Variants in TRIM37 observed in about 807,000 individuals in gnomAD.
TRIM37 encodes the protein tripartite motif containing 37, also known as E3 ubiquitin-protein ligase TRIM37.
A neutral mutation model predicts 129.8 loss-of-function variants in TRIM37; 80 were observed. That is an observed-to-expected ratio of 0.62 (90% CI 0.51 to 0.74). TRIM37 has a LOEUF of 0.74. Among genes scored for constraint, TRIM37 ranks in the 30% least tolerant of loss-of-function variants. The probability of loss-of-function intolerance (pLI) is 0.00; values close to 1 mark genes in which losing one functional copy is unlikely to be tolerated. For missense variants in TRIM37, 1,054 were observed against 1,176.5 expected (o/e 0.90, Z 1.52); for synonymous variants, 389 against 387.1 (o/e 1.00, Z -0.06).
chr17:58,993,514 C>T (rs943598936), downstream of TRIM37, among the ~76,000 whole-genome samples: 6 of 152,208 alleles, frequency 3.9e-5, no homozygotes, highest in Non-Finnish European at 7.3e-5. Context: ...CTTAACTGCA[C>T]TTTGCGAAGC....
Position 59,096,526 on chromosome 17 carries a change from T to C in TRIM37, c.124-5186A>G, listed in dbSNP as rs1479128627. 5.5e-5 allele frequency among the ~76,000 whole-genome samples: 7 copies of C among 127,010 alleles called. No individual in the cohort carries two copies. In the South Asian group the frequency reaches 1.3e-3, roughly 23 times the overall value. 83.3% of individuals were successfully genotyped at this position (127,010 alleles called of 152,430 possible). On this transcript the variant is annotated intron_variant, in intron 2 of 23. Coordinates refer to ENST00000262294, the MANE Select transcript of TRIM37 (RefSeq NM_015294.6). The stretch of plus-strand genomic sequence containing the variant: ...AAGATCGTGCCACTGCACTACAGCC[T>C]GGGTGACAGTGAGACTCTGTCTCAA...
intron 16 of TRIM37, 75 bp from the exon 17 acceptor site, chr17:59,041,973 A>G: frequency 1.0e-6 from 1 of 982,126 alleles, no homozygotes; most frequent in South Asian, 1.3e-5. Context: ...AATAAATTTT[A>G]TGATATGCAG....
At chr17:59,103,687 C>CA in intron 2 of TRIM37, among the ~76,000 whole-genome samples, 1 of 140,424 alleles carries the variant, frequency 7.1e-6, no homozygotes, top group East Asian at 2.2e-4. Context: ...CTCACTCTGT[C>CA]GCCAGGCTGG....
At chr17:59,050,591 A>T (rs1568096154) in intron 14 of TRIM37, among the ~76,000 whole-genome samples, 1 of 152,128 alleles carries the variant, frequency 6.6e-6, no homozygotes, top group Non-Finnish European at 1.5e-5. Flanking sequence ...CTAAGGTGGG[A>T]AGATCACCCG....
At chr17:59,001,108 T>G (rs1489063558) in intron 23 of TRIM37, among the ~76,000 whole-genome samples, 10 of 149,256 alleles carry the variant, frequency 6.7e-5, no homozygotes, top group Non-Finnish European at 1.5e-4. Context: ...GGCAGGAGAA[T>G]CGCTTGAACC....
intron 19 of TRIM37, among the ~76,000 whole-genome samples, chr17:59,021,518 A>T (rs1474236399): frequency 6.6e-6 from 1 of 152,236 alleles, no homozygotes; most frequent in Non-Finnish European, 1.5e-5. Flanking sequence ...TAAGTGAAAT[A>T]CATCAGGCAC....
chr17:59,007,158 AACACAC>A (rs540872393), intron 22 of TRIM37, among the ~76,000 whole-genome samples: 210 of 8,346 alleles, frequency 0.025, 6 homozygotes, highest in African/African-American at 0.07. Context: ...CCCACCCTCC[AACACAC>A]ACACACACAC....
chr17:59,092,000 A>T (rs1359111692), intron 2 of TRIM37, among the ~76,000 whole-genome samples: 1 of 152,106 alleles, frequency 6.6e-6, no homozygotes, highest in East Asian at 1.9e-4. Context: ...CTAATTCGAA[A>T]AAAAAAAGGA....
chr17:58,974,070 G>C, the TRIM37 span, among the ~76,000 whole-genome samples: 4 of 151,956 alleles, frequency 2.6e-5, no homozygotes, highest in Non-Finnish European at 5.9e-5. Flanking sequence ...TGAGGCTGCA[G>C]TGAGCCAAGA....
At chr17:59,036,146 G>A (rs528739964) in intron 17 of TRIM37, among the ~76,000 whole-genome samples, 58 of 152,098 alleles carry the variant, frequency 3.8e-4, no homozygotes, top group Admixed American at 2.7e-3. Context: ...AATAGCTCAC[G>A]CCTATAATCC....
chr17:59,076,781 T>A (rs1279062442), intron 7 of TRIM37, among the ~76,000 whole-genome samples: 2 of 152,270 alleles, frequency 1.3e-5, no homozygotes, highest in Admixed American at 1.3e-4. Flanking sequence ...GTAGAACTTT[T>A]ATTTATTTTA....
chr17:59,059,658 CTG>C (rs1011863557), intron 12 of TRIM37, among the ~76,000 whole-genome samples: 3 of 152,314 alleles, frequency 2.0e-5, no homozygotes, highest in South Asian at 2.1e-4. Flanking sequence ...ACACAAGACA[CTG>C]TAAATTTTAC....
chr17:59,097,074 T>C (rs956055831), intron 2 of TRIM37, among the ~76,000 whole-genome samples: 2 of 152,144 alleles, frequency 1.3e-5, no homozygotes, highest in Admixed American at 6.6e-5. Context: ...CAATATCCTT[T>C]CATGATAAAA....
chr17:59,097,117 A>G (rs918790110), intron 2 of TRIM37, among the ~76,000 whole-genome samples: 1 of 152,166 alleles, frequency 6.6e-6, no homozygotes, highest in Non-Finnish European at 1.5e-5. Context: ...AACTTCCTCA[A>G]CTTGATAAAG....
chr17:59,088,084 G>T, intron 4 of TRIM37: 1 of 613,068 alleles, frequency 1.6e-6, no homozygotes, highest in Non-Finnish European at 2.9e-6. Flanking sequence ...AGGTATCTGT[G>T]TATACATGGC....
intron 24 of TRIM37, chr17:58,984,031 G>A (rs2031566483): frequency 6.6e-6 from 1 of 152,554 alleles, no homozygotes; most frequent in Non-Finnish European, 1.5e-5. Context: ...ACACACTGGG[G>A]CTATTAATCC....
intron 7 of TRIM37, among the ~76,000 whole-genome samples, chr17:59,077,604 G>GT (rs2042916390): frequency 6.6e-6 from 1 of 151,914 alleles, no homozygotes. Flanking sequence ...AAGGTCAGGA[G>GT]TTTGAGACCA....
rs2039971215 is a variant in TRIM37 at position 59,047,823 on chromosome 17, G to C, written c.1531-4C>G. The C allele has an allele frequency of 3.1e-6, 5 of 1,613,690 alleles. No individual in the cohort carries two copies. The highest frequency in any genetic ancestry group is 2.7e-5 in the African/African-American group (2 of 74,924). On this transcript the variant is annotated splice_polypyrimidine_tract_variant and splice_region_variant and intron_variant, in intron 15 of 23. Coordinates refer to ENST00000262294, the MANE Select transcript of TRIM37 (RefSeq NM_015294.6). ...GATCTCCATCTGAAAGCTCGTGCTAGATCAATGCCAAGAAAACAAGACGTC... is the reference window on the plus strand; with the variant it reads ...GATCTCCATCTGAAAGCTCGTGCTACATCAATGCCAAGAAAACAAGACGTC...
intron 16 of TRIM37, among the ~76,000 whole-genome samples, chr17:59,046,742 G>A (rs201741533): frequency 2.0e-5 from 3 of 150,180 alleles, no homozygotes; most frequent in African/African-American, 4.9e-5. Flanking sequence ...GGGTTTCACC[G>A]TGTTAGCCAG....
Sources: allele counts gnomAD v4.1 joint callset (sites outside exome capture counted in the v4.1 genomes callset), GRCh38; gene constraint gnomAD v4.1.1; transcripts MANE v1.5; gene names NCBI Gene and HGNC (gene_info 2026-07-23, HGNC 2026-07-21).